ANK1: variants seen among roughly 807,000 people sequenced by gnomAD.
The protein encoded by ANK1 is ankyrin 1, also known as ankyrin-1.
Under a neutral mutation model 210.4 loss-of-function variants are expected in ANK1, and 51 were observed. That is an observed-to-expected ratio of 0.24 (90% confidence interval 0.19 to 0.31). The LOEUF (loss-of-function observed/expected upper bound fraction) is 0.31. Ranked by LOEUF, ANK1 falls within the 10% of genes least tolerant of loss-of-function variation. The probability of loss-of-function intolerance (pLI) is 1.00; values close to 1 mark genes in which losing one functional copy is unlikely to be tolerated. For synonymous variants in ANK1, 967 were observed against 1,025.9 expected (o/e 0.94, Z 1.10); for missense variants, 2,051 against 2,504.4 (o/e 0.82, Z 3.86).
At chr8:41,710,618 C>T (rs1283581040) in intron 16 of ANK1, among the ~76,000 whole-genome samples, 2 of 152,252 alleles carry the variant, frequency 1.3e-5, no homozygotes, top group African/African-American at 4.8e-5. Flanking sequence ...AAGGGCAATG[C>T]CAGGCTGGAG....
At chr8:41,869,185 C>T (rs903578528) in intron 1 of ANK1, among the ~76,000 whole-genome samples, 3 of 149,684 alleles carry the variant, frequency 2.0e-5, no homozygotes, top group Non-Finnish European at 4.4e-5. Context: ...CCTAAAACTG[C>T]GTGGTTGGAC....
chr8:41,723,354 C>A, intron 8 of ANK1, 131 bp from the exon 9 acceptor site: 2 of 1,187,128 alleles, frequency 1.7e-6, no homozygotes, highest in Non-Finnish European at 2.5e-6. Flanking sequence ...AGCTCGACCT[C>A]AGCACAGTTT....
intron 1 of ANK1, among the ~76,000 whole-genome samples, chr8:41,826,321 G>A (rs1400413847): frequency 3.3e-5 from 5 of 152,152 alleles, no homozygotes. Context: ...ACAGGCTGGG[G>A]CTGTAGGAAA....
chr8:41,670,363 G>GA (rs1157585905), intron 38 of ANK1, among the ~76,000 whole-genome samples: 1 of 152,020 alleles, frequency 6.6e-6, no homozygotes, highest in East Asian at 1.9e-4. Flanking sequence ...ACCAGGAAGT[G>GA]ACAAAATAGG....
chr8:41,869,534 C>T (rs187455232), intron 1 of ANK1, among the ~76,000 whole-genome samples: 83 of 152,192 alleles, frequency 5.5e-4, no homozygotes, highest in African/African-American at 1.9e-3. Context: ...GAGCCATGAT[C>T]GTACCACTGC....
intron 2 of ANK1, among the ~76,000 whole-genome samples, chr8:41,754,491 G>C (rs773127847): frequency 1.3e-5 from 2 of 152,154 alleles, no homozygotes; most frequent in Admixed American, 1.3e-4. Flanking sequence ...CAAACAGTAC[G>C]CATTCTTTCC....
chr8:41,761,281 G>T (rs1840362789), intron 1 of ANK1, among the ~76,000 whole-genome samples: 1 of 150,654 alleles, frequency 6.6e-6, no homozygotes, highest in African/African-American at 2.4e-5. Flanking sequence ...GCACACACAT[G>T]CACACCAAGA....
At chr8:41,770,643 G>T (rs1366714091) in intron 1 of ANK1, among the ~76,000 whole-genome samples, 2 of 152,208 alleles carry the variant, frequency 1.3e-5, no homozygotes, top group Non-Finnish European at 2.9e-5. Flanking sequence ...GAGGACTTTA[G>T]TTCTCAGAAC....
chr8:41,696,958 C>G (rs1821209997), intron 24 of ANK1, among the ~76,000 whole-genome samples, 185 bp from the exon 25 acceptor site: 1 of 152,192 alleles, frequency 6.6e-6, no homozygotes, highest in Non-Finnish European at 1.5e-5. Flanking sequence ...GAAGCACGAG[C>G]TTCCTCCCAC....
intron 11 of ANK1, among the ~76,000 whole-genome samples, 200 bp from the exon 12 acceptor site, chr8:41,717,902 A>G (rs2304876): frequency 6.6e-6 from 1 of 152,072 alleles, no homozygotes; most frequent in African/African-American, 2.4e-5. Flanking sequence ...ACTTGCAAAA[A>G]TTGTGTCTGA....
chr8:41,816,513 A>G (rs866451718), intron 1 of ANK1, among the ~76,000 whole-genome samples: 3 of 152,152 alleles, frequency 2.0e-5, no homozygotes, highest in South Asian at 2.1e-4. Flanking sequence ...ATCATAGCTC[A>G]CTACAACCTC....
intron 2 of ANK1, among the ~76,000 whole-genome samples, chr8:41,754,266 T>C (rs559736632): frequency 2.6e-5 from 4 of 152,214 alleles, no homozygotes; most frequent in Non-Finnish European, 2.9e-5. Context: ...AATTTTAAAA[T>C]TGGCATTCAC....
intron 2 of ANK1, among the ~76,000 whole-genome samples, chr8:41,754,647 C>A (rs1203028166): frequency 6.6e-6 from 1 of 152,166 alleles, no homozygotes; most frequent in Non-Finnish European, 1.5e-5. Flanking sequence ...TGCTTTTATG[C>A]GTGTTTTAAA....
At chr8:41,661,816 A>C in intron 41 of ANK1, 60 bp downstream of exon 41, 1 of 1,614,016 alleles carries the variant, frequency 6.2e-7, no homozygotes, top group Non-Finnish European at 8.5e-7. Flanking sequence ...AGTGTTTCAT[A>C]AAGTAATCAA....
chr8:41,730,216 C>T (rs552827051), intron 3 of ANK1, among the ~76,000 whole-genome samples: 127 of 152,246 alleles, frequency 8.3e-4, no homozygotes, highest in African/African-American at 2.9e-3. Flanking sequence ...CTGCTGACCC[C>T]GCTTCCCCGG....
chr8:41,872,800 G>A (rs1438636697), intron 1 of ANK1, among the ~76,000 whole-genome samples: 1 of 152,194 alleles, frequency 6.6e-6, no homozygotes, highest in Non-Finnish European at 1.5e-5. Flanking sequence ...ACCTGTAGGA[G>A]GTCTGCTGGG....
intron 37 of ANK1, among the ~76,000 whole-genome samples, chr8:41,682,807 CA>C (rs1430732958): frequency 3.3e-5 from 5 of 152,204 alleles, no homozygotes; most frequent in African/African-American, 1.2e-4. Context: ...CTGACTTGAC[CA>C]AAAGTATGCG....
At chr8:41,657,470 C>T (rs142939961) in intron 42 of ANK1, among the ~76,000 whole-genome samples, 20 of 152,322 alleles carry the variant, frequency 1.3e-4, no homozygotes, top group African/African-American at 4.6e-4. Context: ...GAAATGTTAC[C>T]GTCTCTGTCC....
intron 16 of ANK1, among the ~76,000 whole-genome samples, chr8:41,711,005 C>CT (rs1825974492): frequency 6.6e-6 from 1 of 152,230 alleles, no homozygotes; most frequent in Non-Finnish European, 1.5e-5. Context: ...AGTATTCTTC[C>CT]TTTTTAATTT....
Sources: allele counts gnomAD v4.1 joint callset (sites outside exome capture counted in the v4.1 genomes callset), GRCh38; gene constraint gnomAD v4.1.1; transcripts MANE v1.5; gene names NCBI Gene and HGNC (gene_info 2026-07-23, HGNC 2026-07-21).